PRDM6: variants seen among roughly 807,000 people sequenced by gnomAD.
The protein encoded by PRDM6 is putative histone-lysine N-methyltransferase PRDM6.
PRDM6 carries 25 observed loss-of-function variants against 60.8 expected under a neutral mutation model. The ratio of observed to expected loss-of-function variants is 0.41; its 90% CI spans 0.30 to 0.57. The LOEUF is 0.57. Among genes scored for constraint, PRDM6 ranks in the 20% least tolerant of loss-of-function variants. PRDM6 has a pLI of 0.27. For missense variants in PRDM6, 839 were observed against 821.3 expected, an observed-to-expected ratio of 1.02 and a Z score of -0.26; for synonymous variants, 407 against 357.4, an observed-to-expected ratio of 1.14 and a Z score of -1.57.
intron 3 of PRDM6, among the ~76,000 whole-genome samples, chr5:123,135,497 A>G (rs1234473793): frequency 6.6e-6 from 1 of 152,196 alleles, no homozygotes; most frequent in Non-Finnish European, 1.5e-5. Context: ...TCAGCTTTGT[A>G]TTAAAGACCT....
intron 3 of PRDM6, among the ~76,000 whole-genome samples, chr5:123,128,906 G>A (rs1236589520): frequency 4.6e-5 from 7 of 152,298 alleles, no homozygotes; most frequent in African/African-American, 1.2e-4. Context: ...GGTCTAACAT[G>A]TAAGTCTTTA....
At chr5:123,165,726 G>A (rs536344944) in intron 5 of PRDM6, among the ~76,000 whole-genome samples, 5 of 152,194 alleles carry the variant, frequency 3.3e-5, no homozygotes, top group East Asian at 3.9e-4. Flanking sequence ...GCATCTAATC[G>A]TATTCCCCCT....
chr5:123,131,814 T>C (rs1386957816), intron 3 of PRDM6, among the ~76,000 whole-genome samples: 3 of 152,238 alleles, frequency 2.0e-5, no homozygotes, highest in Non-Finnish European at 2.9e-5. Context: ...TTATTGATAT[T>C]GAATGCTTAT....
At chr5:123,126,741 C>T (rs1329101424) in intron 3 of PRDM6, among the ~76,000 whole-genome samples, 1 of 152,152 alleles carries the variant, frequency 6.6e-6, no homozygotes, top group Non-Finnish European at 1.5e-5. Context: ...CTATTCCTAG[C>T]CAATAACAAG....
chr5:123,089,644 G>C (rs368721032), intron 1 of PRDM6, 125 bp downstream of exon 1: 8 of 230,990 alleles, frequency 3.5e-5, no homozygotes, highest in East Asian at 2.2e-4. Context: ...AACGCGGCTC[G>C]GGCGCTGCGC....
chr5:123,114,532 C>T (rs1277449847), intron 3 of PRDM6, among the ~76,000 whole-genome samples: 3 of 152,208 alleles, frequency 2.0e-5, no homozygotes, highest in Non-Finnish European at 4.4e-5. Context: ...CTTGTAGCCT[C>T]AGTCAGTTTG....
intron 5 of PRDM6, among the ~76,000 whole-genome samples, chr5:123,168,590 A>T (rs931923899): frequency 1.3e-5 from 2 of 152,214 alleles, no homozygotes; most frequent in Non-Finnish European, 2.9e-5. Flanking sequence ...AAACTTTAAA[A>T]AATGTAGATG....
intron 2 of PRDM6, among the ~76,000 whole-genome samples, chr5:123,098,610 G>T (rs1255491130): frequency 6.6e-6 from 1 of 152,232 alleles, no homozygotes; most frequent in African/African-American, 2.4e-5. Flanking sequence ...TCCCTCTCGC[G>T]CAGGCTGCTT....
chr5:123,099,529 TC>T lies in PRDM6; in HGVS notation c.593-123del. On this transcript the variant is annotated intron_variant, in intron 2 of 7. Coordinates refer to ENST00000407847, the MANE Select transcript of PRDM6 (RefSeq NM_001136239.4). This position sits in a 1 kb window ranked among gnomAD's most constrained non-coding sequence, Gnocchi z 4.0. ...CTTCGGTGCCCCCAAGGCATCACCTTCCTCGAAGGTGGCTTACCCAGGCGGG... is the reference window on the plus strand; with the variant it reads ...CTTCGGTGCCCCCAAGGCATCACCTTCTCGAAGGTGGCTTACCCAGGCGGG... 1 of 849,616 alleles carries T rather than the reference TC, an allele frequency of 1.2e-6. No individual in the cohort carries two copies. The highest frequency in any genetic ancestry group is 1.7e-6 in the Non-Finnish European group (1 of 581,760). 52.6% of individuals were successfully genotyped at this position (849,616 alleles called of 1,614,324 possible). A position where few individuals can be genotyped will look rare whatever the true frequency, so the allele number is the denominator to read the frequency against.
chr5:123,176,270 T>TAAAAAAAAAAAAAAAA (rs780046640), intron 6 of PRDM6, among the ~76,000 whole-genome samples: 3 of 121,338 alleles, frequency 2.5e-5, no homozygotes, highest in Non-Finnish European at 3.4e-5. Context: ...TCTCAAATGG[T>TAAAAAAAAAAAAAAAA]AAAAAAAAAA....
chr5:123,157,001 A>G (rs1254617070), intron 4 of PRDM6, among the ~76,000 whole-genome samples: 1 of 152,014 alleles, frequency 6.6e-6, no homozygotes, highest in Non-Finnish European at 1.5e-5. Flanking sequence ...AGACACATCA[A>G]AGCAGAGGGC....
chr5:123,166,027 C>G (rs892262603), intron 5 of PRDM6, among the ~76,000 whole-genome samples: 7 of 152,216 alleles, frequency 4.6e-5, no homozygotes, highest in Admixed American at 4.6e-4. Context: ...CTGGCCGTGC[C>G]CTGTTCAGAA....
intron 3 of PRDM6, among the ~76,000 whole-genome samples, chr5:123,111,707 C>CAAAAAAA (rs70988559): frequency 9.6e-6 from 1 of 103,814 alleles, no homozygotes. Flanking sequence ...CAAAACAAAA[C>CAAAAAAA]AAAAAAAAAA....
chr5:123,143,392 A>G (rs1456746651), intron 3 of PRDM6, among the ~76,000 whole-genome samples: 6 of 152,116 alleles, frequency 3.9e-5, no homozygotes, highest in African/African-American at 1.4e-4. Context: ...AAGGGAATCA[A>G]TCCCACGTCC....
chr5:123,170,112 G>T (rs1765851718), intron 5 of PRDM6, among the ~76,000 whole-genome samples: 1 of 152,122 alleles, frequency 6.6e-6, no homozygotes, highest in East Asian at 1.9e-4. Context: ...AAGGCCCTCT[G>T]AGGTCTCCTT....
At chr5:123,167,265 A>T (rs959257564) in intron 5 of PRDM6, among the ~76,000 whole-genome samples, 8 of 152,112 alleles carry the variant, frequency 5.3e-5, no homozygotes, top group Non-Finnish European at 1.2e-4. Context: ...CTTCTACCAA[A>T]CTGTAAATTT....
intron 3 of PRDM6, among the ~76,000 whole-genome samples, chr5:123,137,333 A>G (rs1218198511): frequency 6.6e-6 from 1 of 152,160 alleles, no homozygotes; most frequent in East Asian, 1.9e-4. Context: ...AGGATTTAAA[A>G]ATTTTCATAT....
chr5:123,109,859 A>G (rs1240610844), intron 3 of PRDM6, among the ~76,000 whole-genome samples: 1 of 152,244 alleles, frequency 6.6e-6, no homozygotes, highest in East Asian at 1.9e-4. Flanking sequence ...GGAAGCCCTA[A>G]CATGTGAAGC....
chr5:123,099,077 G>T lies in PRDM6; in HGVS notation c.593-577G>T, dbSNP rs932573242. Among the ~76,000 whole-genome samples the T allele has an allele frequency of 2.0e-5, 3 of 152,124 alleles. No individual in the cohort carries two copies. The highest frequency in any genetic ancestry group is 4.4e-5 in the Non-Finnish European group (3 of 68,026). On this transcript the variant is annotated intron_variant, in intron 2 of 7. Transcript: ENST00000407847. The surrounding 1 kb of genome is among the most constrained non-coding windows in gnomAD (Gnocchi z 4.0). ...CTGGCCGTCTCCCCCACCCCGCCCC[G>T]TCTGGTGATTTTAAATCGTCTCCTG...
Sources: gnomAD v4.1 joint callset for allele counts (sites outside exome capture counted in the v4.1 genomes callset) on GRCh38, gnomAD v4.1.1 for gene constraint, Gnocchi (gnomAD v3.1) non-coding constraint, MANE v1.5 for transcripts, NCBI Gene and HGNC (gene_info 2026-07-23, HGNC 2026-07-21) for gene names.